Variants in ARHGAP17 observed in about 807,000 individuals in gnomAD.
The protein encoded by ARHGAP17 is Rho GTPase activating protein 17.
ARHGAP17 carries 57 observed loss-of-function variants against 99.5 expected under a neutral mutation model. The observed-to-expected ratio is 0.57, with a 90% CI of 0.46 to 0.71. ARHGAP17 has a LOEUF of 0.71. Among genes scored for constraint, ARHGAP17 ranks in the 30% least tolerant of loss-of-function variants. The pLI is 0.00. For missense variants in ARHGAP17, 1,000 were observed against 1,122.4 expected, an observed-to-expected ratio of 0.89 and a Z score of 1.56; for synonymous variants, 417 against 429.6, an observed-to-expected ratio of 0.97 and a Z score of 0.36.
At chr16:25,001,850 A>G (rs1337977453) in intron 1 of ARHGAP17, among the ~76,000 whole-genome samples, 1 of 152,144 alleles carries the variant, frequency 6.6e-6, no homozygotes, top group African/African-American at 2.4e-5. Flanking sequence ...TTGGGAGACC[A>G]AGGTAGGAGG....
In ARHGAP17 at chr16:24,941,802, A is replaced by G. The variant is rs1234322491; in HGVS notation, c.1490+185T>C. 12 of 729,596 alleles carry G rather than the reference A, an allele frequency of 1.6e-5. No individual in the cohort carries two copies. In the East Asian group the frequency reaches 2.4e-4, roughly 15 times the overall value. 45.2% of individuals were successfully genotyped at this position (729,596 alleles called of 1,614,324 possible). ...AGAAACGTTAACTGAGAAGCTACAC[A>G]CTGACTTTATGGTGAGATTAGTGCT... On this transcript the variant is annotated intron_variant, in intron 16 of 19. Coordinates refer to ENST00000289968, the MANE Select transcript of ARHGAP17 (RefSeq NM_001006634.3).
intron 3 of ARHGAP17, among the ~76,000 whole-genome samples, chr16:24,972,264 G>A (rs2052389437): frequency 6.6e-6 from 1 of 152,174 alleles, no homozygotes; most frequent in African/African-American, 2.4e-5. Flanking sequence ...GCACTTCACT[G>A]TAAGTTCTTT....
rs2051753500 is a variant in ARHGAP17 at position 24,954,698 on chromosome 16, G to T, written c.757C>A (p.Pro253Thr). The change falls in exon 10 of 20, where the codon CCC becomes ACC. Residue 253 changes from proline (P) to threonine (T), a missense_variant. Physicochemically the swap from Pro to Thr is conservative, Grantham distance 38 (BLOSUM62 -1). Around this residue, in one of 2 missense-constraint regions of ARHGAP17, gnomAD observed 472 missense variants for 611.1 expected, o/e 0.77. Transcript: ENST00000289968. ...CTCCTCTTCAGGTGTTCTTCTAGGGGAGTCCCAAAGGCTGGTTTTTCCGCC... is the reference window on the plus strand; with the variant it reads ...CTCCTCTTCAGGTGTTCTTCTAGGGTAGTCCCAAAGGCTGGTTTTTCCGCC... Reference protein sequence around the residue: ...KWAEKPAFGTPLEEHLKRSGR... With the variant: ...KWAEKPAFGTTLEEHLKRSGR... 6.2e-7 allele frequency: 1 copy of T among 1,614,038 alleles called. No individual in the cohort carries two copies. The highest frequency in any genetic ancestry group is 8.5e-7 in the Non-Finnish European group (1 of 1,179,966).
chr16:25,006,404 C>T (rs902721345), intron 1 of ARHGAP17, among the ~76,000 whole-genome samples: 1 of 145,962 alleles, frequency 6.9e-6, no homozygotes, highest in African/African-American at 2.6e-5. Context: ...GAGCCGAGAT[C>T]ATGCCACTGC....
chr16:25,006,127 C>G (rs1026263625), intron 1 of ARHGAP17, among the ~76,000 whole-genome samples: 1 of 152,018 alleles, frequency 6.6e-6, no homozygotes, highest in Non-Finnish European at 1.5e-5. Flanking sequence ...GCAAAGCCAA[C>G]TGGAAGACAA....
intron 16 of ARHGAP17, chr16:24,941,678 C>G (rs186697419): frequency 1.6e-5 from 5 of 306,834 alleles, no homozygotes; most frequent in South Asian, 8.1e-5. Context: ...TGTTTCCCCC[C>G]ACTCACGTAC....
intron 1 of ARHGAP17, among the ~76,000 whole-genome samples, chr16:25,004,051 A>G (rs2053444294): frequency 6.6e-6 from 1 of 152,222 alleles, no homozygotes; most frequent in Admixed American, 6.5e-5. Context: ...ATATTAAGTT[A>G]AAGGATAAAC....
chr16:24,941,739 C>T, intron 16 of ARHGAP17: 2 of 515,878 alleles, frequency 3.9e-6, no homozygotes, highest in South Asian at 4.2e-5. Flanking sequence ...GCAGGGCTTA[C>T]CAAGCACACC....
intron 19 of ARHGAP17, chr16:24,929,562 T>C (rs947550350): frequency 5.1e-6 from 5 of 982,970 alleles, no homozygotes; most frequent in Non-Finnish European, 4.8e-6. Context: ...GCAGGAGCAT[T>C]TGGAGCTGTG....
At position 24,931,380 on chromosome 16, in the gene ARHGAP17, G is replaced by T. The variant is rs758207719; in HGVS notation, c.1919C>A (p.Pro640His). 6.6e-7 allele frequency: 1 copy of T among 1,511,970 alleles called. No homozygotes were observed. Among genetic ancestry groups the T allele is most frequent in the Non-Finnish European group, 8.8e-7 (1 of 1,133,348 alleles). The allele number at this position is 1,511,970 out of a possible 1,614,324, so 93.7% of individuals were successfully genotyped here. Residue 640 changes from proline to histidine, a missense_variant, in exon 19 of 20, where the codon CCC becomes CAC. Transcript: ENST00000289968. Reference protein sequence around the residue: ...RRAVKKPAPAPPKPGNPPPGH... With the variant: ...RRAVKKPAPAHPKPGNPPPGH... ...AGGAGGTGGGTTGCCCGGTTTCGGG[G>T]GTGCTGGAGCGGGTTTTTTAACAGC...
chr16:24,931,484 A>G (rs1372947903), intron 18 of ARHGAP17, 80 bp from the exon 19 acceptor site: 1 of 1,369,636 alleles, frequency 7.3e-7, no homozygotes, highest in South Asian at 1.6e-5. Context: ...CAAATTTAAC[A>G]TCACCAGTAA....
intron 11 of ARHGAP17, 76 bp from the exon 12 acceptor site, chr16:24,952,446 T>C (rs761755479): frequency 2.8e-5 from 33 of 1,168,246 alleles, no homozygotes; most frequent in Non-Finnish European, 4.0e-5. Flanking sequence ...ATTTTGCAAA[T>C]TGAAATGATC....
Position 24,939,577 on chromosome 16 carries a change from T to A in ARHGAP17, c.1511A>T (p.Asp504Val). 6.2e-7 allele frequency: 1 copy of A among 1,606,596 alleles called. No individual in the cohort carries two copies. Among genetic ancestry groups the A allele is most frequent in the African/African-American group, 1.3e-5 (1 of 74,938 alleles). The change falls in exon 17 of 20, where the codon GAC becomes GTC. Residue 504 changes from aspartate (D) to valine (V), a missense_variant. Asp to Val is a radical substitution (Grantham distance 152, BLOSUM62 -3). This residue lies in a region of ARHGAP17 where 528 missense variants were observed against 511.4 expected (regional missense o/e 1.03). Transcript: ENST00000289968. ...KKESFGVKLMDFQAHRRGGTL... is the reference protein window; with the variant it reads ...KKESFGVKLMVFQAHRRGGTL... ...GCCACCCCGCCGGTGGGCCTGGAAG[T>A]CCATAAGCTTCACACCAAAGCTACA...
Position 25,015,332 on chromosome 16 carries a change from A to C in ARHGAP17, c.-71T>G. The stretch of plus-strand genomic sequence containing the variant: ...CGGGGGACAGCCTGGCAGCTACTAC[A>C]TCGCTTCCCGGCCCAAACGGCGGCG... On this transcript the variant is annotated 5_prime_UTR_variant, in exon 1 of 20. The change abolishes an upstream ATG in the 5' untranslated region. Coordinates refer to ENST00000289968, the MANE Select transcript of ARHGAP17 (RefSeq NM_001006634.3). 1.8e-5 allele frequency: 21 copies of C among 1,183,682 alleles called. No homozygotes were observed. The highest frequency in any genetic ancestry group is 3.6e-5 in the South Asian group (1 of 28,054). The allele number at this position is 1,183,682 out of a possible 1,614,324, so 73.3% of individuals were successfully genotyped here.
Position 24,920,205 on chromosome 16 carries a change from T to C in ARHGAP17, c.2571A>G (p.Ser857=). ...CAGGCACGTCTTTGCTGGCTGAGTC[T>C]GAGTGCATTTCAGGAAAGATGCTGC... ...PHRSIFPEMH[S]DSASKDVPGR... is the part of the protein sequence containing the mutation. Residue 857 remains serine (S), a synonymous_variant, in exon 20 of 20, where the codon TCA becomes TCG. Coordinates refer to ENST00000289968, the MANE Select transcript of ARHGAP17 (RefSeq NM_001006634.3). 1 of 1,614,138 alleles carries C rather than the reference T, an allele frequency of 6.2e-7. No homozygotes were observed. The highest frequency in any genetic ancestry group is 1.3e-5 in the African/African-American group (1 of 75,050).
chr16:25,005,209 C>G (rs2053474096), intron 1 of ARHGAP17, among the ~76,000 whole-genome samples: 1 of 152,240 alleles, frequency 6.6e-6, no homozygotes, highest in Non-Finnish European at 1.5e-5. Context: ...AGCCACCATA[C>G]CCAGCCTGAA....
At chr16:25,003,022 G>A (rs1391819157) in intron 1 of ARHGAP17, among the ~76,000 whole-genome samples, 1 of 116,374 alleles carries the variant, frequency 8.6e-6, no homozygotes, top group African/African-American at 3.3e-5. Context: ...CTGGGGAACA[G>A]AGCGAGACTC....
intron 12 of ARHGAP17, among the ~76,000 whole-genome samples, chr16:24,951,157 G>A (rs1440137768): frequency 6.6e-6 from 1 of 152,176 alleles, no homozygotes; most frequent in African/African-American, 2.4e-5. Context: ...AAGCTGTCCT[G>A]CTTAAAATCA....
At chr16:24,935,333 G>GGATTTT in intron 18 of ARHGAP17, 137 bp downstream of exon 18, 1 of 1,077,152 alleles carries the variant, frequency 9.3e-7, no homozygotes, top group South Asian at 1.7e-5. Context: ...TCTCTTGAAT[G>GGATTTT]ACTGAATTTT....
Sources: gnomAD v4.1 joint callset for allele counts (sites outside exome capture counted in the v4.1 genomes callset) on GRCh38, gnomAD v4.1.1 for gene constraint, gnomAD v4.1.1 regional missense constraint, MANE v1.5 for transcripts, NCBI Gene and HGNC (gene_info 2026-07-23, HGNC 2026-07-21) for gene names.